ATR: variants seen among roughly 807,000 people sequenced by gnomAD.
The protein encoded by ATR is serine/threonine-protein kinase ATR.
A neutral mutation model predicts 305.3 loss-of-function variants in ATR; 142 were observed. The observed-to-expected ratio is 0.47, with a 90% CI of 0.41 to 0.53. The LOEUF is 0.53. Among genes scored for constraint, ATR ranks in the 20% least tolerant of loss-of-function variants. ATR has a pLI of 0.00. For synonymous variants in ATR, 1,050 were observed against 1,068.1 expected (o/e 0.98, Z 0.33); for missense variants, 2,135 against 3,133.1 (o/e 0.68, Z 7.60).
intron 31 of ATR, 64 bp downstream of exon 31, chr3:142,499,563 G>A (rs1363343410): frequency 6.8e-7 from 1 of 1,476,482 alleles, no homozygotes; most frequent in African/African-American, 1.4e-5. Context: ...CAAAGTGCTG[G>A]GATTACAGGC....
intron 27 of ATR, among the ~76,000 whole-genome samples, chr3:142,511,655 C>A (rs1401498279): frequency 6.8e-6 from 1 of 147,634 alleles, no homozygotes; most frequent in Non-Finnish European, 1.5e-5. Flanking sequence ...GACTCCATCT[C>A]AAAAAAAAAT....
At chr3:142,507,467 G>T (rs893720872) in intron 28 of ATR, among the ~76,000 whole-genome samples, 1 of 152,138 alleles carries the variant, frequency 6.6e-6, no homozygotes, top group Non-Finnish European at 1.5e-5. Flanking sequence ...ATTCCATTGT[G>T]ACCATAACAC....
In ATR at chr3:142,563,104, T is replaced by C. The variant is rs762458312; in HGVS notation, c.298A>G (p.Ser100Gly). Reference sequence around the variant, plus strand: ...AGAAGTCTCGTTATGATCCAATTACTGAATTCTTTGAAATAAACAAAAAAG... The same window carrying C: ...AGAAGTCTCGTTATGATCCAATTACCGAATTCTTTGAAATAAACAAAAAAG... Reference protein sequence around the residue: ...HEAKGSCIEFSNWIITRLLRI... With the variant: ...HEAKGSCIEFGNWIITRLLRI... Residue 100 changes from serine (S) to glycine (G), a missense_variant, in exon 4 of 47, where the codon AGT becomes GGT. This residue lies in a region of ATR where 744 missense variants were observed against 873.2 expected (regional missense o/e 0.85). Coordinates refer to ENST00000350721, the MANE Select transcript of ATR (RefSeq NM_001184.4). The C allele has an allele frequency of 6.2e-7, 1 of 1,601,406 alleles. No homozygotes were observed. Among genetic ancestry groups the C allele is most frequent in the Non-Finnish European group, 8.5e-7 (1 of 1,176,520 alleles).
intron 36 of ATR, among the ~76,000 whole-genome samples, chr3:142,475,670 C>A (rs187429435): frequency 6.6e-6 from 1 of 152,336 alleles, no homozygotes; most frequent in East Asian, 1.9e-4. Context: ...GAGGAACCGC[C>A]ACAATGACTT....
chr3:142,569,094 G>A (rs2035174906), intron 1 of ATR, among the ~76,000 whole-genome samples: 1 of 152,182 alleles, frequency 6.6e-6, no homozygotes, highest in Non-Finnish European at 1.5e-5. Context: ...GGACCACAGC[G>A]AGAACTTAGG....
chr3:142,478,204 C>A (rs1293738922), intron 36 of ATR, among the ~76,000 whole-genome samples: 2 of 152,106 alleles, frequency 1.3e-5, no homozygotes, highest in African/African-American at 4.8e-5. Flanking sequence ...TTAAATCTTT[C>A]CTGCTTTCTC....
chr3:142,466,021 AAAAAG>A (rs1323588833), intron 40 of ATR, among the ~76,000 whole-genome samples: 14 of 151,746 alleles, frequency 9.2e-5, no homozygotes, highest in African/African-American at 2.7e-4. Context: ...AAAAAAAAAA[AAAAAG>A]AAAAGAAAAG....
intron 23 of ATR, among the ~76,000 whole-genome samples, chr3:142,521,258 C>A (rs1472374927): frequency 6.6e-6 from 1 of 152,136 alleles, no homozygotes; most frequent in Admixed American, 6.5e-5. Context: ...ACTGTTGAGA[C>A]CTACTGGTCA....
At chr3:142,520,306 G>A (rs536666422) in intron 23 of ATR, among the ~76,000 whole-genome samples, 52 of 152,112 alleles carry the variant, frequency 3.4e-4, no homozygotes, top group African/African-American at 1.1e-3. Flanking sequence ...CCCTACAGTG[G>A]CCTCTAAGTA....
intron 29 of ATR, among the ~76,000 whole-genome samples, chr3:142,504,660 C>T (rs1235983992): frequency 1.3e-5 from 2 of 152,024 alleles, no homozygotes; most frequent in Non-Finnish European, 2.9e-5. Flanking sequence ...GACAGGGTTT[C>T]ACTATGTTGG....
At chr3:142,575,889 A>C (rs1475899233) in intron 1 of ATR, among the ~76,000 whole-genome samples, 1 of 152,230 alleles carries the variant, frequency 6.6e-6, no homozygotes, top group Non-Finnish European at 1.5e-5. Flanking sequence ...GATTATGTAG[A>C]ACCTTAGAGG....
intron 18 of ATR, 22 bp downstream of exon 18, chr3:142,540,879 TTAA>T: frequency 6.4e-7 from 1 of 1,560,248 alleles, no homozygotes; most frequent in East Asian, 2.4e-5. Flanking sequence ...AAAAAAAAAA[TTAA>T]TAAACTCAGG....
intron 23 of ATR, among the ~76,000 whole-genome samples, chr3:142,520,100 T>C (rs1577621047): frequency 6.6e-6 from 1 of 152,224 alleles, no homozygotes; most frequent in Non-Finnish European, 1.5e-5. Flanking sequence ...ATATCTGTTA[T>C]AGTGATATAT....
At position 142,449,604 on chromosome 3, in the gene ATR, T is replaced by C. The variant is rs761588508; in HGVS notation, c.7762-2A>G. The C allele has an allele frequency of 6.2e-7, 1 of 1,613,926 alleles. No individual in the cohort carries two copies. Among genetic ancestry groups the C allele is most frequent in the Non-Finnish European group, 8.5e-7 (1 of 1,179,854 alleles). On this transcript the variant is annotated splice_acceptor_variant, in intron 46 of 46. Coordinates refer to ENST00000350721, the MANE Select transcript of ATR (RefSeq NM_001184.4). LOFTEE classifies it high-confidence loss of function. Reference sequence around the variant, plus strand: ...AATGTCAAGAACATGGGTCTTGGCCTAAAAAGAAGAAACATAAAACCAAAA... The same window carrying C: ...AATGTCAAGAACATGGGTCTTGGCCCAAAAAGAAGAAACATAAAACCAAAA...
rs71153972 is a variant in ATR, at chr3:142,544,621, CAAA to C, written c.3358-1867_3358-1865del. On this transcript the variant is annotated intron_variant, in intron 16 of 46. Transcript: ENST00000350721. ...TTTATGTACAGGCAGAAGAAAGGAG[CAAA>C]AAAAAAAAAAAAAAAAAATGAGCTG... is the stretch of plus-strand genomic sequence containing the variant. Among the ~76,000 whole-genome samples, 268 of 83,592 alleles carry C rather than the reference CAAA, an allele frequency of 3.2e-3. 2 individuals are homozygous for C. The East Asian group carries it at 0.071, about 22-fold the overall frequency. 54.8% of individuals were successfully genotyped at this position (83,592 alleles called of 152,430 possible). A position where few individuals can be genotyped will look rare whatever the true frequency, so the allele number is the denominator to read the frequency against.
At chr3:142,549,739 C>A in intron 14 of ATR, 66 bp from the exon 15 acceptor site, 1 of 1,452,232 alleles carries the variant, frequency 6.9e-7, no homozygotes, top group Non-Finnish European at 9.6e-7. Flanking sequence ...TTCACATAAG[C>A]TATGTGCAAA....
At position 142,550,228 on chromosome 3, in the gene ATR, T is replaced by C. The variant is rs2108456297; in HGVS notation, c.2880A>G (p.Arg960=). 2 of 1,614,196 alleles carry C rather than the reference T, an allele frequency of 1.2e-6. No individual in the cohort carries two copies. Among genetic ancestry groups the C allele is most frequent in the African/African-American group, 2.7e-5 (2 of 75,074 alleles). Residue 960 remains arginine (R), a synonymous_variant, in exon 14 of 47, where the codon CGA becomes CGG. Coordinates refer to ENST00000350721, the MANE Select transcript of ATR (RefSeq NM_001184.4). ...PNTPCQNADV[R]KQDVAHQREM... ...CTCTCTGGTGAGCCACATCTTGTTT[T>C]CGCACGTCAGCATTCTGGCATGGAG...
At chr3:142,559,177 G>T (rs2034790232) in intron 7 of ATR, 74 bp downstream of exon 7, 2 of 1,504,976 alleles carry the variant, frequency 1.3e-6, no homozygotes, top group Non-Finnish European at 1.8e-6. Context: ...TTAGGCTTCA[G>T]GCAAAAAAGA....
intron 19 of ATR, among the ~76,000 whole-genome samples, chr3:142,537,784 A>C (rs1026189086): frequency 2.6e-5 from 4 of 152,176 alleles, no homozygotes; most frequent in African/African-American, 9.7e-5. Context: ...CCAGTCTAAA[A>C]AGCAGCCTGA....
Sources: gnomAD v4.1 joint callset for allele counts (sites outside exome capture counted in the v4.1 genomes callset) on GRCh38, gnomAD v4.1.1 for gene constraint, gnomAD v4.1.1 regional missense constraint, MANE v1.5 for transcripts, NCBI Gene and HGNC (gene_info 2026-07-23, HGNC 2026-07-21) for gene names.